Variants in RANBP1 observed in about 807,000 individuals in gnomAD.
The protein encoded by RANBP1 is ran-specific GTPase-activating protein.
Under a neutral mutation model 31.4 loss-of-function variants are expected in RANBP1, and 16 were observed. The observed-to-expected ratio is 0.51, with a 90% confidence interval of 0.34 to 0.77. The LOEUF (loss-of-function observed/expected upper bound fraction) is 0.77. RANBP1 is among the 30% of genes least tolerant of loss of function. RANBP1 has a pLI of 0.01. For missense variants in RANBP1, 265 were observed against 362.0 expected (o/e 0.73, Z 2.17); for synonymous variants, 129 against 140.5 (o/e 0.92, Z 0.58).
At chr22:20,121,555 G>GT (rs141334911) in intron 2 of RANBP1, among the ~76,000 whole-genome samples, 33,736 of 151,048 alleles carry the variant, frequency 0.22, 4,083 homozygotes, top group African/African-American at 0.3. Context: ...GTTTTGTTTT[G>GT]TTTTTTTTTA....
In RANBP1 at chr22:20,117,629, C is replaced by T. The variant is rs1040350697; in HGVS notation, c.246+1199C>T. On this transcript the variant is annotated intron_variant, in intron 1 of 5. Transcript: ENST00000430524. ...CCAGCGACGACCGACCCAGCCGAGC[C>T]GCCGCCGCCGCCGCGCCCCCATGGC... 7 of 1,202,462 alleles carry T rather than the reference C, an allele frequency of 5.8e-6. No individual in the cohort carries two copies. In the African/African-American group the frequency reaches 1.1e-4, roughly 20 times the overall value. The allele number at this position is 1,202,462 out of a possible 1,614,324, so 74.5% of individuals were successfully genotyped here.
intron 1 of RANBP1, among the ~76,000 whole-genome samples, chr22:20,118,594 A>G (rs1336120579): frequency 6.6e-6 from 1 of 152,242 alleles, no homozygotes; most frequent in Admixed American, 6.5e-5. Context: ...TTCAAAATCT[A>G]TTTCGACCCA....
In RANBP1 at chr22:20,118,894, C is replaced by T. The variant is rs570304120; in HGVS notation, c.247-119C>T. 3.8e-6 allele frequency: 4 copies of T among 1,058,086 alleles called. No homozygotes were observed. The African/African-American group carries it at 6.4e-5, about 17-fold the overall frequency. The allele number at this position is 1,058,086 out of a possible 1,614,324, so 65.5% of individuals were successfully genotyped here. A position where few individuals can be genotyped will look rare whatever the true frequency, so the allele number is the denominator to read the frequency against. ...CTAATTTCTTGCTTTGGGGTTGGGC[C>T]CATCCTTGTATCTGAAGTCCCTTCA... is the stretch of plus-strand genomic sequence containing the variant. On this transcript the variant is annotated intron_variant, in intron 1 of 5. Transcript: ENST00000430524.
Position 20,119,034 on chromosome 22 carries a change from A to G in RANBP1, c.268A>G (p.Thr90Ala), listed in dbSNP as rs1871473189. 1 of 1,613,072 alleles carries G rather than the reference A, an allele frequency of 6.2e-7. No individual in the cohort carries two copies. The highest frequency in any genetic ancestry group is 2.2e-5 in the East Asian group (1 of 44,892). ...ISEDTHEDHD[T>A]STENTDESNH... The stretch of plus-strand genomic sequence containing the variant: ...ACAGGACACTCATGAGGACCATGAT[A>G]CTTCCACTGAGAATACAGACGAGTC... Residue 90 changes from threonine to alanine, a missense_variant, in exon 2 of 6, where the codon ACT (threonine) becomes GCT (alanine). This residue lies in a region of RANBP1 where 126 missense variants were observed against 123.6 expected (regional missense o/e 1.02). Transcript: ENST00000430524.
At chr22:20,121,238 C>T (rs1479638594) in intron 2 of RANBP1, among the ~76,000 whole-genome samples, 5 of 151,758 alleles carry the variant, frequency 3.3e-5, no homozygotes, top group African/African-American at 9.7e-5. Flanking sequence ...CAGGCGTGAG[C>T]CCCCGCGCCT....
At chr22:20,117,171 C>T (rs2050053433) in intron 1 of RANBP1, 1 of 555,398 alleles carries the variant, frequency 1.8e-6, no homozygotes, top group African/African-American at 2.0e-5. Context: ...CGGCCGCTCG[C>T]TTCGCCAGCC....
In RANBP1 at chr22:20,126,625, G is replaced by A. The variant is rs2147994681; in HGVS notation, c.736+257G>A. The A allele has an allele frequency of 2.0e-6, 3 of 1,524,344 alleles. No individual in the cohort carries two copies. The African/African-American group carries it at 4.1e-5, about 21-fold the overall frequency. The allele number at this position is 1,524,344 out of a possible 1,614,324, so 94.4% of individuals were successfully genotyped here. A position where few individuals can be genotyped will look rare whatever the true frequency, so the allele number is the denominator to read the frequency against. Reference sequence around the variant, plus strand: ...CACTGCCTGGAGCTCACCAGAAGGTGCTTTATGATGGTCCTCGGTTTGTCT... The same window carrying A: ...CACTGCCTGGAGCTCACCAGAAGGTACTTTATGATGGTCCTCGGTTTGTCT... On this transcript the variant is annotated intron_variant, in intron 5 of 5. Coordinates refer to ENST00000430524, the MANE Select transcript of RANBP1 (RefSeq NM_001278639.2).
intron 1 of RANBP1, chr22:20,116,826 C>G: frequency 6.9e-7 from 1 of 1,454,356 alleles, no homozygotes; most frequent in Non-Finnish European, 9.5e-7. Flanking sequence ...TTTCCTGACC[C>G]ACCCCGCCTC....
At chr22:20,121,685 C>T (rs546571342) in intron 2 of RANBP1, among the ~76,000 whole-genome samples, 3 of 152,256 alleles carry the variant, frequency 2.0e-5, no homozygotes, top group African/African-American at 4.8e-5. Flanking sequence ...GCTGAGACTA[C>T]GGGTGTTAGC....
At chr22:20,118,728 G>T (rs760229496) in intron 1 of RANBP1, among the ~76,000 whole-genome samples, 2 of 152,260 alleles carry the variant, frequency 1.3e-5, no homozygotes, top group Non-Finnish European at 2.9e-5. Flanking sequence ...TTGGCGGCTT[G>T]TAGGGTCCCC....
At chr22:20,118,001 T>G (rs896905716) in intron 1 of RANBP1, 3 of 996,688 alleles carry the variant, frequency 3.0e-6, no homozygotes, top group Non-Finnish European at 3.6e-6. Flanking sequence ...CTCGGCCCAC[T>G]TGGGGCTCCC....
At chr22:20,126,813 G>A in intron 5 of RANBP1, 139 bp from the exon 6 acceptor site, 2 of 1,349,544 alleles carry the variant, frequency 1.5e-6, no homozygotes, top group Non-Finnish European at 2.0e-6. Flanking sequence ...CCAGGAGGCG[G>A]CTTGGCCAGG....
chr22:20,118,969 C>G lies in RANBP1; in HGVS notation c.247-44C>G, dbSNP rs749049692. On this transcript the variant is annotated intron_variant, in intron 1 of 5. Transcript: ENST00000430524. ...GCACTGGTTGGGCTCTGGTTGTGAG[C>G]CAGATCCATAGGCCAGCAGTGTAAC... 18 of 1,593,984 alleles carry G rather than the reference C, an allele frequency of 1.1e-5. No homozygotes were observed. In the South Asian group the frequency reaches 2.0e-4, roughly 18 times the overall value.
intron 1 of RANBP1, chr22:20,118,352 T>C: frequency 1.0e-6 from 1 of 1,002,076 alleles, no homozygotes; most frequent in Middle Eastern, 2.8e-4. Flanking sequence ...AATATGATTA[T>C]TGGTGCTCTC....
At position 20,116,660 on chromosome 22, in the gene RANBP1, G is replaced by A. The variant is rs755226288; in HGVS notation, c.246+230G>A. The A allele has an allele frequency of 7.2e-5, 109 of 1,509,962 alleles. No individual in the cohort carries two copies. In the East Asian group the frequency reaches 2.4e-3, roughly 33 times the overall value. The allele number at this position is 1,509,962 out of a possible 1,614,324, so 93.5% of individuals were successfully genotyped here. ...CTAGGGTGAGGACTAGGCCCTGGGG[G>A]CCTGGCCCCCCAAGCTTCCTTATGG... On this transcript the variant is annotated intron_variant, in intron 1 of 5. Coordinates refer to ENST00000430524, the MANE Select transcript of RANBP1 (RefSeq NM_001278639.2).
At chr22:20,117,277 C>A in intron 1 of RANBP1, 1 of 701,446 alleles carries the variant, frequency 1.4e-6, no homozygotes, top group Non-Finnish European at 2.0e-6. Flanking sequence ...CAACCCCCAA[C>A]CACTTTAGCC....
intron 1 of RANBP1, chr22:20,117,377 G>T: frequency 1.6e-6 from 2 of 1,212,922 alleles, no homozygotes; most frequent in Non-Finnish European, 2.1e-6. Context: ...GGCCGGGCAT[G>T]CGCCGCGGGC....
intron 3 of RANBP1, 122 bp from the exon 4 acceptor site, chr22:20,125,186 C>A (rs2050268604): frequency 2.7e-6 from 3 of 1,108,228 alleles, no homozygotes; most frequent in South Asian, 2.7e-5. Context: ...CAACCCCAGA[C>A]TGTCCCCGTG....
chr22:20,122,497 T>G, intron 3 of RANBP1, 76 bp downstream of exon 3: 1 of 1,606,232 alleles, frequency 6.2e-7, no homozygotes, highest in Non-Finnish European at 8.5e-7. Flanking sequence ...CAGGGCTGAT[T>G]GGGAACTGGG....
Sources: allele counts gnomAD v4.1 joint callset (sites outside exome capture counted in the v4.1 genomes callset), GRCh38; gene constraint gnomAD v4.1.1; regional missense constraint gnomAD v4.1.1; transcripts MANE v1.5; gene names NCBI Gene and HGNC (gene_info 2026-07-23, HGNC 2026-07-21).